ATF7: variants seen among roughly 807,000 people sequenced by gnomAD.
The protein encoded by ATF7 is activating transcription factor 7.
In ATF7, 10 loss-of-function variants were observed where a neutral mutation model predicts 50.4. The observed-to-expected ratio is 0.20, with a 90% CI of 0.12 to 0.34. The LOEUF is 0.34. Ranked by LOEUF, ATF7 falls within the 10% of genes least tolerant of loss-of-function variation. The pLI is 1.00. For missense variants in ATF7, 465 were observed against 613.9 expected, an observed-to-expected ratio of 0.76 and a Z score of 2.56; for synonymous variants, 201 against 226.4, an observed-to-expected ratio of 0.89 and a Z score of 1.01.
intron 2 of ATF7, among the ~76,000 whole-genome samples, chr12:53,555,709 C>T (rs951745606): frequency 3.3e-5 from 5 of 152,016 alleles, no homozygotes; most frequent in African/African-American, 1.2e-4. Context: ...GGGGTTTCTA[C>T]ATGTTGGTCA....
chr12:53,605,167 T>A (rs1489530978), intron 1 of ATF7, among the ~76,000 whole-genome samples: 1 of 152,138 alleles, frequency 6.6e-6, no homozygotes, highest in African/African-American at 2.4e-5. Context: ...GGCAGGCAGA[T>A]CACCCGAGGT....
intron 2 of ATF7, among the ~76,000 whole-genome samples, chr12:53,573,324 A>C (rs538869238): frequency 1.3e-5 from 2 of 152,278 alleles, no homozygotes; most frequent in Non-Finnish European, 2.9e-5. Context: ...TGAGGATACC[A>C]AAATCCACAG....
At chr12:53,607,685 C>A in intron 1 of ATF7, among the ~76,000 whole-genome samples, 1 of 151,840 alleles carries the variant, frequency 6.6e-6, no homozygotes, top group South Asian at 2.1e-4. Context: ...GTACATGCAC[C>A]ATAATTGTAA....
chr12:53,617,670 T>C (rs775820457), intron 1 of ATF7, among the ~76,000 whole-genome samples: 6 of 152,010 alleles, frequency 3.9e-5, no homozygotes, highest in Non-Finnish European at 8.8e-5. Flanking sequence ...AAGACTACTA[T>C]ACTAACTCAC....
Position 53,513,899 on chromosome 12 carries a change from CAG to C in ATF7, c.*3236_*3237del, listed in dbSNP as rs1161360478. ...GAATCAAGAAAGGAGCCAAAACCAA[CAG>C]AACAGGGATAGAGAAGTGAGCGAGA... On this transcript the variant is annotated 3_prime_UTR_variant, in exon 12 of 12. Transcript: ENST00000420353. The C allele has an allele frequency of 1.3e-5, 2 of 152,320 alleles. No homozygotes were observed. Among genetic ancestry groups the C allele is most frequent in the African/African-American group, 4.8e-5 (2 of 41,432 alleles). 9.4% of individuals were successfully genotyped at this position (152,320 alleles called of 1,614,324 possible). A position where few individuals can be genotyped will look rare whatever the true frequency, so the allele number is the denominator to read the frequency against.
chr12:53,512,226 A>G lies in ATF7; in HGVS notation c.*4911T>C, dbSNP rs1175720342. ...TAGAGCGAAGCCCCTGCCTCAGCCC[A>G]GTCCCAGGAGATTGTGAGAACCAGC... On this transcript the variant is annotated 3_prime_UTR_variant, in exon 12 of 12. Transcript: ENST00000420353. 1 of 152,280 alleles carries G rather than the reference A, an allele frequency of 6.6e-6. No individual in the cohort carries two copies. The highest frequency in any genetic ancestry group is 1.5e-5 in the Non-Finnish European group (1 of 68,070). 9.4% of individuals were successfully genotyped at this position (152,280 alleles called of 1,614,324 possible). A position where few individuals can be genotyped will look rare whatever the true frequency, so the allele number is the denominator to read the frequency against.
At chr12:53,567,448 G>C (rs1240892687) in intron 2 of ATF7, among the ~76,000 whole-genome samples, 1 of 152,178 alleles carries the variant, frequency 6.6e-6, no homozygotes, top group Non-Finnish European at 1.5e-5. Flanking sequence ...GGAGCAGCAT[G>C]TTTTCTTATT....
chr12:53,528,716 T>C (rs998644598), intron 9 of ATF7, among the ~76,000 whole-genome samples: 14 of 151,416 alleles, frequency 9.2e-5, no homozygotes, highest in Non-Finnish European at 1.6e-4. Context: ...TGAGCCGAGA[T>C]CGTGCCACTG....
At chr12:53,623,117 A>C (rs1944466430) in intron 1 of ATF7, among the ~76,000 whole-genome samples, 1 of 152,232 alleles carries the variant, frequency 6.6e-6, no homozygotes, top group African/African-American at 2.4e-5. Flanking sequence ...AGAGCTAAAG[A>C]GCTTCAGCAC....
chr12:53,604,509 T>C (rs1943526685), intron 1 of ATF7, among the ~76,000 whole-genome samples: 1 of 152,208 alleles, frequency 6.6e-6, no homozygotes, highest in African/African-American at 2.4e-5. Flanking sequence ...CACTGAGGAC[T>C]ACAAAGTAAA....
At chr12:53,529,493 G>GAA in intron 9 of ATF7, among the ~76,000 whole-genome samples, 1 of 150,352 alleles carries the variant, frequency 6.7e-6, no homozygotes, top group African/African-American at 2.5e-5. Context: ...GAGCCACCAC[G>GAA]CCTGGCTAAT....
At chr12:53,540,384 T>A (rs1939478810) in intron 4 of ATF7, among the ~76,000 whole-genome samples, 1 of 150,522 alleles carries the variant, frequency 6.6e-6, no homozygotes. Flanking sequence ...AAAGTAGAAC[T>A]ACAAATATGT....
In ATF7 at chr12:53,516,946, G is replaced by A. The variant is rs1052235953; in HGVS notation, c.*191C>T. ...ATCTATGAGGCTCCGGGGCTGGGAG[G>A]CCCCCAGCACAGGTGTCAAACGTAC... On this transcript the variant is annotated 3_prime_UTR_variant, in exon 12 of 12. Coordinates refer to ENST00000420353, the MANE Select transcript of ATF7 (RefSeq NM_006856.3). 14 of 655,010 alleles carry A rather than the reference G, an allele frequency of 2.1e-5. No individual in the cohort carries two copies. The highest frequency in any genetic ancestry group is 3.6e-5 in the Non-Finnish European group (14 of 384,756). The allele number at this position is 655,010 out of a possible 1,614,324, so 40.6% of individuals were successfully genotyped here.
At position 53,534,647 on chromosome 12, in the gene ATF7, T is replaced by G; in HGVS notation, c.415A>C (p.Lys139Gln). The change falls in exon 6 of 12, where the codon AAG (lysine) becomes CAG (glutamine). Residue 139 changes from lysine (K) to glutamine (Q), a missense_variant. Transcript: ENST00000420353. ...PPLKEKEVTP[K>Q]PVLISTPTPT... Reference sequence around the variant, plus strand: ...GTGGGGGTAGAGATCAGAACAGGCTTTGGGGTAACCTCCTGGAGAAAAGAA... The same window carrying G: ...GTGGGGGTAGAGATCAGAACAGGCTGTGGGGTAACCTCCTGGAGAAAAGAA... 1 of 1,611,456 alleles carries G rather than the reference T, an allele frequency of 6.2e-7. No homozygotes were observed. The highest frequency in any genetic ancestry group is 8.5e-7 in the Non-Finnish European group (1 of 1,179,198).
rs1937746152 is a variant in ATF7, at chr12:53,517,012, C to T, written c.*125G>A. Reference sequence around the variant, plus strand: ...AAAAGCCCCATATCTGTCCATTACTCACAACACACAATTCCCCCCACCCAT... The same window carrying T: ...AAAAGCCCCATATCTGTCCATTACTTACAACACACAATTCCCCCCACCCAT... On this transcript the variant is annotated 3_prime_UTR_variant, in exon 12 of 12. Transcript: ENST00000420353. 9.2e-7 allele frequency: 1 copy of T among 1,085,486 alleles called. No individual in the cohort carries two copies. 67.2% of individuals were successfully genotyped at this position (1,085,486 alleles called of 1,614,324 possible). A position where few individuals can be genotyped will look rare whatever the true frequency, so the allele number is the denominator to read the frequency against.
At chr12:53,582,959 CA>C (rs1250973897) in intron 2 of ATF7, among the ~76,000 whole-genome samples, 4 of 152,118 alleles carry the variant, frequency 2.6e-5, no homozygotes. Flanking sequence ...TGATCTTTGA[CA>C]AAGAAGCAAA....
intron 2 of ATF7, among the ~76,000 whole-genome samples, chr12:53,594,379 A>G (rs1343440105): frequency 6.6e-6 from 1 of 152,246 alleles, no homozygotes; most frequent in Non-Finnish European, 1.5e-5. Flanking sequence ...TGTAGTACCA[A>G]TTAGATTCAT....
At chr12:53,533,951 G>A (rs1412145120) in intron 6 of ATF7, among the ~76,000 whole-genome samples, 4 of 152,158 alleles carry the variant, frequency 2.6e-5, no homozygotes, top group African/African-American at 7.2e-5. Context: ...GCTCTTTTTA[G>A]ATTAAAGAAG....
In ATF7 at chr12:53,531,740, T is replaced by G; in HGVS notation, c.927+4A>C. On this transcript the variant is annotated splice_donor_region_variant and intron_variant, in intron 9 of 11. Transcript: ENST00000420353. Reference sequence around the variant, plus strand: ...ATATGACATAAAGAGTAAGAGCCACTGACCTGTGGCTGGGCAGGGGATGGG... The same window carrying G: ...ATATGACATAAAGAGTAAGAGCCACGGACCTGTGGCTGGGCAGGGGATGGG... 1.9e-6 allele frequency: 3 copies of G among 1,609,716 alleles called. No individual in the cohort carries two copies. The highest frequency in any genetic ancestry group is 2.5e-6 in the Non-Finnish European group (3 of 1,178,200).
Sources: gnomAD v4.1 joint callset for allele counts (sites outside exome capture counted in the v4.1 genomes callset) on GRCh38, gnomAD v4.1.1 for gene constraint, MANE v1.5 for transcripts, NCBI Gene and HGNC (gene_info 2026-07-23, HGNC 2026-07-21) for gene names.